The following RAB36 variants were observed in gnomAD, a reference collection of about 807,000 sequenced individuals.
RAB36 encodes the protein ras-related protein Rab-36.
A neutral mutation model predicts 39.3 loss-of-function variants in RAB36; 33 were observed. That is an observed-to-expected ratio of 0.84 (90% CI 0.64 to 1.12). RAB36 has a LOEUF of 1.12. Ranked by LOEUF, RAB36 falls within the 50% of genes most tolerant of loss-of-function variation. The pLI is 0.00. For missense variants in RAB36, 308 were observed against 355.3 expected (o/e 0.87, Z 1.07); for synonymous variants, 133 against 140.2 (o/e 0.95, Z 0.36).
At chr22:23,146,806 T>A in intron 2 of RAB36, 121 bp downstream of exon 2, 1 of 1,429,512 alleles carries the variant, frequency 7.0e-7, no homozygotes, top group Non-Finnish European at 9.2e-7. Flanking sequence ...ATTGTCAGAT[T>A]TACCTTGAGG....
In RAB36 at chr22:23,161,200, G is replaced by T. The variant is rs142319783; in HGVS notation, c.739+202G>T. 6.6e-5 allele frequency among the ~76,000 whole-genome samples: 10 copies of T among 152,250 alleles called. No individual in the cohort carries two copies. In the East Asian group the frequency reaches 1.9e-3, roughly 29 times the overall value. On this transcript the variant is annotated intron_variant, in intron 10 of 10. Transcript: ENST00000263116. Reference sequence around the variant, plus strand: ...CCTGCCAGGTCAGACACCCTCCCTAGCCCTCCCTGTTCTCCTGACACATGG... The same window carrying T: ...CCTGCCAGGTCAGACACCCTCCCTATCCCTCCCTGTTCTCCTGACACATGG...
chr22:23,161,463 C>G, intron 10 of RAB36, 37 bp from the exon 11 acceptor site: 1 of 1,549,214 alleles, frequency 6.5e-7, no homozygotes, highest in Non-Finnish European at 8.9e-7. Context: ...CTACAGGATT[C>G]CTGGTTGATG....
chr22:23,150,848 C>T (rs1204168169), intron 3 of RAB36, among the ~76,000 whole-genome samples: 2 of 152,180 alleles, frequency 1.3e-5, no homozygotes, highest in African/African-American at 4.8e-5. Context: ...GGGAGGGTAC[C>T]CCTCCTGGGT....
intron 9 of RAB36, among the ~76,000 whole-genome samples, chr22:23,160,199 C>T (rs1222055775): frequency 2.0e-5 from 3 of 152,284 alleles, no homozygotes; most frequent in Non-Finnish European, 4.4e-5. Flanking sequence ...TTCAGCCCAG[C>T]GCAAACAACT....
intron 9 of RAB36, among the ~76,000 whole-genome samples, chr22:23,160,670 A>T (rs1000752425): frequency 8.5e-5 from 13 of 152,068 alleles, no homozygotes; most frequent in Non-Finnish European, 1.6e-4. Context: ...GCCAGGTGGG[A>T]GGCCAGGCCA....
Position 23,162,548 on chromosome 22 carries a change from TC to T in RAB36, c.*985del. The T allele has an allele frequency of 2.3e-6, 1 of 437,270 alleles. No individual in the cohort carries two copies. Among genetic ancestry groups the T allele is most frequent in the Non-Finnish European group, 4.7e-6 (1 of 214,364 alleles). 27.1% of individuals were successfully genotyped at this position (437,270 alleles called of 1,614,324 possible). ...CCCTGCCAAGTCTAGCATGTTCCTG[TC>T]TCCAACACCGCCTCCTGCACATGCA... On this transcript the variant is annotated 3_prime_UTR_variant, in exon 11 of 11. Transcript: ENST00000263116.
intron 9 of RAB36, among the ~76,000 whole-genome samples, chr22:23,160,040 G>A (rs1018746528): frequency 3.3e-5 from 5 of 152,208 alleles, no homozygotes; most frequent in East Asian, 1.9e-4. Context: ...GAAGTCATAC[G>A]CAGGGCCTGG....
At chr22:23,166,149 A>T (rs1422474153), downstream of RAB36, among the ~76,000 whole-genome samples, 37 of 16,044 alleles carry the variant, frequency 2.3e-3, no homozygotes, top group Non-Finnish European at 5.4e-3. Context: ...CTGTCTTTTA[A>T]AAAAAAAAAA....
upstream of RAB36, chr22:23,145,450 G>A (rs550643080): frequency 5.0e-6 from 8 of 1,610,598 alleles, no homozygotes; most frequent in Admixed American, 3.3e-5. Context: ...GACGATTCGT[G>A]TAGCCCGCAG....
chr22:23,150,564 G>T (rs1196360952), intron 3 of RAB36, among the ~76,000 whole-genome samples: 1 of 151,984 alleles, frequency 6.6e-6, no homozygotes, highest in Non-Finnish European at 1.5e-5. Flanking sequence ...GCCTCCCAAA[G>T]TGCTGGGATT....
chr22:23,152,572 G>A (rs767492542), intron 4 of RAB36, 46 bp downstream of exon 4: 2 of 1,579,480 alleles, frequency 1.3e-6, no homozygotes, highest in Non-Finnish European at 1.7e-6. Flanking sequence ...CCAGCACCAG[G>A]TTGTCATACC....
Position 23,161,596 on chromosome 22 carries a change from GCA to G in RAB36, c.*40_*41del. On this transcript the variant is annotated 3_prime_UTR_variant, in exon 11 of 11. Coordinates refer to ENST00000263116, the MANE Select transcript of RAB36 (RefSeq NM_004914.5). ...CCTGCGTGGAAGGCCTCCGCTCCCT[GCA>G]CACACACGGACAGGAATTTCCGTGA... 1 of 1,533,158 alleles carries G rather than the reference GCA, an allele frequency of 6.5e-7. No homozygotes were observed. 95.0% of individuals were successfully genotyped at this position (1,533,158 alleles called of 1,614,324 possible).
downstream of RAB36, among the ~76,000 whole-genome samples, chr22:23,167,096 C>A (rs940488449): frequency 6.6e-6 from 1 of 152,080 alleles, no homozygotes; most frequent in African/African-American, 2.4e-5. Context: ...CCTCTGAACT[C>A]CTGGTCCCTC....
Position 23,163,121 on chromosome 22 carries a change from G to C in RAB36, c.*1557G>C, listed in dbSNP as rs925162425. 4 of 200,274 alleles carry C rather than the reference G, an allele frequency of 2.0e-5. No individual in the cohort carries two copies. The highest frequency in any genetic ancestry group is 9.5e-5 in the African/African-American group (4 of 42,062). 12.4% of individuals were successfully genotyped at this position (200,274 alleles called of 1,614,324 possible). ...AGATGGGGTTTCTCCATGTTGGTCA[G>C]GCTGCTCTCGGACTCCTGATCTCAG... On this transcript the variant is annotated 3_prime_UTR_variant, in exon 11 of 11. Transcript: ENST00000263116.
At chr22:23,155,674 A>G (rs1334714927) in intron 5 of RAB36, among the ~76,000 whole-genome samples, 2 of 152,218 alleles carry the variant, frequency 1.3e-5, no homozygotes, top group Non-Finnish European at 1.5e-5. Flanking sequence ...TTCCATTTTA[A>G]TGTCTCAGTC....
Position 23,158,053 on chromosome 22 carries a change from G to T in RAB36, c.446+10G>T. 1 of 1,614,068 alleles carries T rather than the reference G, an allele frequency of 6.2e-7. No individual in the cohort carries two copies. The highest frequency in any genetic ancestry group is 8.5e-7 in the Non-Finnish European group (1 of 1,179,938). On this transcript the variant is annotated intron_variant, in intron 7 of 10. Coordinates refer to ENST00000263116, the MANE Select transcript of RAB36 (RefSeq NM_004914.5). ...CCCTGGAGCATACCAGGTAAGTCTGGGCTCTCTGGCCCCTGCAGTCTCCCT... is the reference window on the plus strand; with the variant it reads ...CCCTGGAGCATACCAGGTAAGTCTGTGCTCTCTGGCCCCTGCAGTCTCCCT...
At chr22:23,153,492 G>T in intron 5 of RAB36, 1 of 898,530 alleles carries the variant, frequency 1.1e-6, no homozygotes, top group Non-Finnish European at 1.3e-6. Context: ...GCCTCCCGCA[G>T]GTTGCTGCTG....
intron 6 of RAB36, among the ~76,000 whole-genome samples, chr22:23,156,493 A>G (rs918702239): frequency 6.6e-6 from 1 of 152,272 alleles, no homozygotes; most frequent in African/African-American, 2.4e-5. Context: ...TCCATGGCCA[A>G]GGGCAGCCAG....
chr22:23,151,739 C>T (rs948625411), intron 3 of RAB36, among the ~76,000 whole-genome samples: 11 of 152,112 alleles, frequency 7.2e-5, no homozygotes, highest in African/African-American at 2.7e-4. Context: ...ATAAACAGTC[C>T]GAGAAACGCC....
Sources: gnomAD v4.1 joint callset for allele counts (sites outside exome capture counted in the v4.1 genomes callset) on GRCh38, gnomAD v4.1.1 for gene constraint, MANE v1.5 for transcripts, NCBI Gene and HGNC (gene_info 2026-07-23, HGNC 2026-07-21) for gene names.